Variants in UPRT observed in about 807,000 individuals in gnomAD.
UPRT encodes the protein RP11-311P8.3.
A neutral mutation model predicts 22.6 loss-of-function variants in UPRT; 5 were observed. The observed-to-expected ratio is 0.22, with a 90% CI of 0.12 to 0.47. UPRT has a LOEUF of 0.47. UPRT is among the 20% of genes least tolerant of loss of function. UPRT has a pLI of 0.99. For synonymous variants in UPRT, 77 were observed against 87.7 expected, an observed-to-expected ratio of 0.88 and a Z score of 0.68; for missense variants, 181 against 239.9, an observed-to-expected ratio of 0.75 and a Z score of 1.62.
chrX:75,203,959 C>T (rs1364048800), intron 4 of UPRT, among the ~76,000 whole-genome samples: 1 of 110,600 alleles, frequency 9.0e-6, no homozygotes, highest in African/African-American at 3.3e-5. Context: ...CTGGTTGCTT[C>T]CTGCTGAATA....
At chrX:75,188,422 T>A (rs1201332526) in intron 4 of UPRT, among the ~76,000 whole-genome samples, 4 of 112,075 alleles carry the variant, frequency 3.6e-5, no homozygotes, top group Non-Finnish European at 7.5e-5. Flanking sequence ...ACTGCTCTCT[T>A]CAAAGCTGTC....
intron 4 of UPRT, among the ~76,000 whole-genome samples, chrX:75,174,588 C>A (rs2082241055): frequency 9.0e-6 from 1 of 111,619 alleles, no homozygotes; most frequent in African/African-American, 3.3e-5. Context: ...CAGGCGGCAT[C>A]TCATACTATC....
chrX:75,253,252 C>G (rs2082538074), intron 4 of UPRT, among the ~76,000 whole-genome samples: 1 of 111,572 alleles, frequency 9.0e-6, no homozygotes, highest in African/African-American at 3.3e-5. Context: ...GGGCAGAGGA[C>G]ATGAACAGAC....
intron 3 of UPRT, among the ~76,000 whole-genome samples, chrX:75,166,791 A>C (rs1475712334): frequency 8.9e-6 from 1 of 112,258 alleles, no homozygotes; most frequent in Non-Finnish European, 1.9e-5. Flanking sequence ...CTTTGGTTAC[A>C]CTTGCCTTCT....
intron 4 of UPRT, among the ~76,000 whole-genome samples, chrX:75,245,700 C>T (rs1022696876): frequency 8.9e-6 from 1 of 111,771 alleles, no homozygotes; most frequent in African/African-American, 3.3e-5. Context: ...AACAAAAACC[C>T]AAATACCACA....
At chrX:75,216,828 C>T (rs2147631664) in intron 4 of UPRT, among the ~76,000 whole-genome samples, 1 of 112,377 alleles carries the variant, frequency 8.9e-6, no homozygotes, top group African/African-American at 3.2e-5. Flanking sequence ...AATCTCGGCT[C>T]ACTGCAAGCT....
At chrX:75,289,863 C>T (rs889541975) in intron 1 of UPRT, among the ~76,000 whole-genome samples, 7 of 111,589 alleles carry the variant, frequency 6.3e-5, no homozygotes, top group African/African-American at 2.3e-4. Flanking sequence ...TAGAAGAAAA[C>T]CTGGTAATTA....
At chrX:75,272,946 A>T (rs1602485489), upstream of UPRT, among the ~76,000 whole-genome samples, 1 of 111,983 alleles carries the variant, frequency 8.9e-6, no homozygotes, top group South Asian at 3.7e-4. Flanking sequence ...TAATGATAGA[A>T]TGGATAAAGA....
intron 4 of UPRT, 68 bp from the exon 5 acceptor site, chrX:75,299,667 C>T: frequency 9.5e-7 from 1 of 1,051,478 alleles, no homozygotes; most frequent in Non-Finnish European, 1.3e-6. Context: ...ACAAACTATA[C>T]TTTGGCCTGT....
intron 4 of UPRT, among the ~76,000 whole-genome samples, chrX:75,223,357 C>A (rs1289716003): frequency 1.8e-5 from 2 of 110,899 alleles, no homozygotes; most frequent in Non-Finnish European, 3.8e-5. Flanking sequence ...GTTGGTGTCA[C>A]ACTAGGCCAT....
chrX:75,220,851 T>C lies in UPRT; in HGVS notation c.-447+52972T>C, dbSNP rs1602459176. 3.6e-5 allele frequency among the ~76,000 whole-genome samples: 4 copies of C among 111,993 alleles called. 1 individual carries two copies. The Admixed American group carries it at 3.8e-4, about 11-fold the overall frequency. The stretch of plus-strand genomic sequence containing the variant: ...CCTTCTACTTAAGATATAAATAGTT[T>C]GCACAACACAAATACAATGTTATAT... On this transcript the variant is annotated intron_variant, in intron 4 of 13. Transcript: ENST00000652605.
intron 4 of UPRT, among the ~76,000 whole-genome samples, chrX:75,233,662 C>A (rs1386141946): frequency 9.0e-6 from 1 of 110,981 alleles, no homozygotes; most frequent in African/African-American, 3.3e-5. Flanking sequence ...ATTTTAAACC[C>A]AGAATTTCAT....
At chrX:75,283,231 C>T (rs932958451) in intron 1 of UPRT, among the ~76,000 whole-genome samples, 7 of 111,552 alleles carry the variant, frequency 6.3e-5, no homozygotes, top group East Asian at 2.8e-4. Context: ...ATCCATTCTG[C>T]GGTTTTGTAT....
chrX:75,161,784 C>G (rs745311128), intron 2 of UPRT, among the ~76,000 whole-genome samples: 2 of 112,051 alleles, frequency 1.8e-5, no homozygotes, highest in South Asian at 7.5e-4. Context: ...AAACCTAAAC[C>G]TGACACTAAA....
intron 4 of UPRT, among the ~76,000 whole-genome samples, chrX:75,257,702 C>A (rs992162441): frequency 1.8e-5 from 2 of 111,437 alleles, no homozygotes; most frequent in Non-Finnish European, 3.8e-5. Context: ...AAATCAGTAG[C>A]TCTTATATAC....
At chrX:75,273,785 G>A (rs1382951243), upstream of UPRT, among the ~76,000 whole-genome samples, 2 of 111,698 alleles carry the variant, frequency 1.8e-5, no homozygotes, top group East Asian at 5.6e-4. Context: ...TTCTCTGCTA[G>A]GTCACAAAGT....
At chrX:75,267,879 A>C (rs1329749639) in intron 4 of UPRT, among the ~76,000 whole-genome samples, 1 of 111,176 alleles carries the variant, frequency 9.0e-6, no homozygotes, top group Non-Finnish European at 1.9e-5. Flanking sequence ...ACAAATTTAA[A>C]TGCTAGCAGA....
At chrX:75,161,749 C>T (rs1046616089) in intron 2 of UPRT, among the ~76,000 whole-genome samples, 3 of 111,718 alleles carry the variant, frequency 2.7e-5, no homozygotes, top group Non-Finnish European at 5.6e-5. Flanking sequence ...GATTGCTTAC[C>T]TAGTAAACAG....
chrX:75,159,042 A>G (rs183860377), intron 1 of UPRT, among the ~76,000 whole-genome samples: 18 of 111,989 alleles, frequency 1.6e-4, no homozygotes, highest in African/African-American at 5.8e-4. Context: ...GCCCTACTGT[A>G]CTATAGAACA....
Sources: allele counts gnomAD v4.1 joint callset (sites outside exome capture counted in the v4.1 genomes callset), GRCh38; gene constraint gnomAD v4.1.1; transcripts MANE v1.5; gene names NCBI Gene and HGNC (gene_info 2026-07-23, HGNC 2026-07-21).